Variants in ARHGEF10 observed in about 807,000 individuals in gnomAD.
The protein encoded by ARHGEF10 is Rho guanine nucleotide exchange factor (GEF) 10.
In ARHGEF10, 140 loss-of-function variants were observed where a neutral mutation model predicts 147.4. The ratio of observed to expected loss-of-function variants is 0.95; its 90% CI spans 0.83 to 1.09. ARHGEF10 has a LOEUF of 1.09. Ranked by LOEUF, ARHGEF10 falls within the 50% of genes least tolerant of loss-of-function variation. The pLI is 0.00. For missense variants in ARHGEF10, 2,222 were observed against 1,752.7 expected (o/e 1.27, Z -4.78); for synonymous variants, 902 against 695.8 (o/e 1.30, Z -4.67).
intron 2 of ARHGEF10, among the ~76,000 whole-genome samples, chr8:1,851,478 G>A (rs1805145686): frequency 6.6e-6 from 1 of 151,596 alleles, no homozygotes; most frequent in Non-Finnish European, 1.5e-5. Flanking sequence ...GTTGCAACAA[G>A]TGTTCCACTC....
intron 2 of ARHGEF10, among the ~76,000 whole-genome samples, chr8:1,845,312 C>A (rs1804472777): frequency 6.6e-6 from 1 of 152,198 alleles, no homozygotes; most frequent in South Asian, 2.1e-4. Context: ...CGCCTCCCTG[C>A]TTTCTTTTTG....
intron 26 of ARHGEF10, among the ~76,000 whole-genome samples, chr8:1,935,641 C>T (rs1323189101): frequency 1.3e-5 from 2 of 152,232 alleles, no homozygotes; most frequent in Non-Finnish European, 2.9e-5. Flanking sequence ...CTCATAACGT[C>T]TTCCTGGCAA....
chr8:1,878,853 C>T (rs7822520), intron 8 of ARHGEF10, among the ~76,000 whole-genome samples: 75,311 of 151,944 alleles, frequency 0.5, 18,965 homozygotes, highest in East Asian at 0.69. Flanking sequence ...AAAGCCAGCA[C>T]ACAGTGGGTT....
chr8:1,923,780 G>T lies in ARHGEF10; in HGVS notation c.2394G>T (p.Gly798=), dbSNP rs1812474348. 2 of 1,614,172 alleles carry T rather than the reference G, an allele frequency of 1.2e-6. No homozygotes were observed. Among genetic ancestry groups the T allele is most frequent in the Non-Finnish European group, 8.5e-7 (1 of 1,180,024 alleles). ...TGTCTGTTGTTTCTGGCAGATCTGG[G>T]CGACCGACGTTCTTTACAGCTGTGT... is the stretch of plus-strand genomic sequence containing the variant. ...LQLPGKQDKS[G]RPTFFTAVFN... The change falls in exon 21 of 29, where the codon GGG becomes GGT. Residue 798 remains glycine, a synonymous_variant. Coordinates refer to ENST00000349830, the MANE Select transcript of ARHGEF10 (RefSeq NM_014629.4).
intron 27 of ARHGEF10, 104 bp downstream of exon 27, chr8:1,945,759 CTG>C: frequency 2.0e-6 from 3 of 1,486,718 alleles, no homozygotes; most frequent in African/African-American, 1.4e-5. Flanking sequence ...GTGCAGGACA[CTG>C]TTCACAACAT....
chr8:1,901,693 G>T (rs984036473), intron 15 of ARHGEF10, among the ~76,000 whole-genome samples: 1 of 152,238 alleles, frequency 6.6e-6, no homozygotes, highest in Non-Finnish European at 1.5e-5. Context: ...CCCTGTGCTG[G>T]CTGCTGTCTC....
intron 4 of ARHGEF10, among the ~76,000 whole-genome samples, chr8:1,863,201 G>C (rs1304506320): frequency 1.3e-5 from 2 of 152,162 alleles, no homozygotes; most frequent in African/African-American, 2.4e-5. Context: ...CACTCAGGAA[G>C]GTGGCCCGGA....
chr8:1,957,213 G>T lies in ARHGEF10; in HGVS notation c.3985G>T (p.Glu1329Ter), dbSNP rs1190577488. The T allele has an allele frequency of 2.5e-6, 4 of 1,612,148 alleles. No homozygotes were observed. The highest frequency in any genetic ancestry group is 3.4e-6 in the Non-Finnish European group (4 of 1,179,932). Reference protein sequence around the residue: ...HRKARQPHQEELAPTVMVWQI... With the variant: ...HRKARQPHQE ...GAAGGCCCGGCAGCCCCACCAGGAA[G>T]AGCTGGCGCCGACCGTCATGGTCTG... Residue 1329 changes from glutamate to a stop codon, truncating the protein, a stop_gained, in exon 29 of 29, where the codon GAG becomes TAG. Transcript: ENST00000349830. LOFTEE classifies it high-confidence loss of function.
intron 18 of ARHGEF10, among the ~76,000 whole-genome samples, chr8:1,917,677 C>T (rs751423802): frequency 6.6e-6 from 1 of 152,220 alleles, no homozygotes. Flanking sequence ...AAGAACTTCG[C>T]TCACAGAACT....
rs1041759337 is a variant in ARHGEF10 at position 1,859,893 on chromosome 8, C to G, written c.194-4C>G. 1 of 1,614,034 alleles carries G rather than the reference C, an allele frequency of 6.2e-7. No individual in the cohort carries two copies. The highest frequency in any genetic ancestry group is 8.5e-7 in the Non-Finnish European group (1 of 1,179,990). The stretch of plus-strand genomic sequence containing the variant: ...CTGCTGACAAGTCCTTTCTGCATCC[C>G]CAGGAGGTGAGGATGGAGCTGGAGC... On this transcript the variant is annotated splice_polypyrimidine_tract_variant and splice_region_variant and intron_variant, in intron 3 of 28. Coordinates refer to ENST00000349830, the MANE Select transcript of ARHGEF10 (RefSeq NM_014629.4).
intron 11 of ARHGEF10, among the ~76,000 whole-genome samples, chr8:1,887,481 ACTG>A: frequency 7.4e-6 from 1 of 134,686 alleles, no homozygotes; most frequent in African/African-American, 2.8e-5. Context: ...GTGAGGAGAC[ACTG>A]AGTGGGGTGT....
intron 8 of ARHGEF10, among the ~76,000 whole-genome samples, chr8:1,879,165 C>A (rs1807965199): frequency 6.6e-6 from 1 of 152,106 alleles, no homozygotes; most frequent in Admixed American, 6.5e-5. Context: ...GAGAAATGCC[C>A]CGAGACGAGC....
intron 5 of ARHGEF10, among the ~76,000 whole-genome samples, chr8:1,865,453 A>C (rs1342425641): frequency 6.6e-6 from 1 of 151,300 alleles, no homozygotes; most frequent in Non-Finnish European, 1.5e-5. Flanking sequence ...TCACCAGGGC[A>C]TGGGGCATCC....
At chr8:1,868,702 T>C (rs1290028625) in intron 6 of ARHGEF10, among the ~76,000 whole-genome samples, 10 of 152,224 alleles carry the variant, frequency 6.6e-5, no homozygotes, top group Admixed American at 6.5e-4. Flanking sequence ...ATTGGTTTAT[T>C]GGGATGGTTT....
chr8:1,933,168 G>C (rs1813287764), intron 25 of ARHGEF10, among the ~76,000 whole-genome samples: 2 of 152,166 alleles, frequency 1.3e-5, no homozygotes. Context: ...TTCATCAAAA[G>C]TAAGGAATTC....
chr8:1,831,121 C>G (rs1463858057), intron 1 of ARHGEF10, among the ~76,000 whole-genome samples: 1 of 152,226 alleles, frequency 6.6e-6, no homozygotes. Flanking sequence ...CGGGCCAGAC[C>G]CATGGAGGGA....
chr8:1,917,810 T>A (rs1054683671), intron 18 of ARHGEF10, among the ~76,000 whole-genome samples: 2 of 152,142 alleles, frequency 1.3e-5, no homozygotes, highest in African/African-American at 4.8e-5. Context: ...AGTCTCCCTC[T>A]GTTGCCCAGG....
At chr8:1,931,447 C>T (rs1262752136) in intron 25 of ARHGEF10, among the ~76,000 whole-genome samples, 2 of 152,248 alleles carry the variant, frequency 1.3e-5, no homozygotes, top group Non-Finnish European at 1.5e-5. Flanking sequence ...GAGCCCCGTG[C>T]AGGGCTGTGT....
intron 1 of ARHGEF10, among the ~76,000 whole-genome samples, chr8:1,837,924 C>T (rs1433254017): frequency 2.0e-5 from 3 of 152,166 alleles, no homozygotes; most frequent in African/African-American, 4.8e-5. Flanking sequence ...CACTGCTCCT[C>T]ACTCTCACAG....
Sources: allele counts gnomAD v4.1 joint callset (sites outside exome capture counted in the v4.1 genomes callset), GRCh38; gene constraint gnomAD v4.1.1; transcripts MANE v1.5; gene names NCBI Gene and HGNC (gene_info 2026-07-23, HGNC 2026-07-21).